Variants in CHRM5 observed in about 807,000 individuals in gnomAD.
CHRM5 encodes muscarinic acetylcholine receptor M5.
CHRM5 carries 18 observed loss-of-function variants against 39.0 expected under a neutral mutation model. The observed-to-expected ratio is 0.46, with a 90% CI of 0.32 to 0.68. CHRM5 has a LOEUF of 0.68. Among genes scored for constraint, CHRM5 ranks in the 30% least tolerant of loss-of-function variants. The pLI, the probability that CHRM5 is intolerant of heterozygous loss-of-function variation, is 0.04. For missense variants in CHRM5, 515 were observed against 651.1 expected, an observed-to-expected ratio of 0.79 and a Z score of 2.28; for synonymous variants, 241 against 246.3, an observed-to-expected ratio of 0.98 and a Z score of 0.20.
chr15:34,001,571 T>C (rs1897139753), intron 1 of CHRM5, among the ~76,000 whole-genome samples: 1 of 152,170 alleles, frequency 6.6e-6, no homozygotes, highest in Non-Finnish European at 1.5e-5. Flanking sequence ...AAACCCATAA[T>C]TGGCCAAAAT....
At chr15:33,989,181 G>A (rs74782359) in intron 1 of CHRM5, among the ~76,000 whole-genome samples, 1 of 152,034 alleles carries the variant, frequency 6.6e-6, no homozygotes, top group African/African-American at 2.4e-5. Flanking sequence ...AAGAGAAGAT[G>A]AGTTAATGAT....
chr15:34,063,311 C>T lies in CHRM5; in HGVS notation c.594C>T (p.Ala198=), dbSNP rs577474369. 1.2e-6 allele frequency: 2 copies of T among 1,614,170 alleles called. No homozygotes were observed. Among genetic ancestry groups the T allele is most frequent in the South Asian group, 1.1e-5 (1 of 91,084 alleles). The change falls in exon 3 of 3, where the codon GCC becomes GCT. Residue 198 remains alanine (A), a synonymous_variant. Coordinates refer to ENST00000383263, the MANE Select transcript of CHRM5 (RefSeq NM_012125.4). This position sits in a 1 kb window ranked among gnomAD's most constrained non-coding sequence, Gnocchi z 4.1. ...AGCCCACCATCACTTTTGGCACTGC[C>T]ATTGCTGCCTTCTACATCCCTGTTT... ...LSEPTITFGT[A]IAAFYIPVSV...
chr15:34,013,070 TTTG>T (rs940744604), intron 1 of CHRM5, among the ~76,000 whole-genome samples: 18 of 145,278 alleles, frequency 1.2e-4, no homozygotes, highest in Admixed American at 2.8e-4. Context: ...TGTTTGTTTG[TTTG>T]TTTTTTGAGA....
intron 1 of CHRM5, among the ~76,000 whole-genome samples, chr15:33,978,016 G>C (rs941920738): frequency 6.6e-6 from 1 of 151,272 alleles, no homozygotes; most frequent in Admixed American, 6.6e-5. Flanking sequence ...AAGGGAGGGA[G>C]GGAGGGAGGG....
intron 1 of CHRM5, among the ~76,000 whole-genome samples, chr15:34,004,642 A>G (rs1897265040): frequency 6.6e-6 from 1 of 152,170 alleles, no homozygotes; most frequent in Non-Finnish European, 1.5e-5. Context: ...TGAACTCTTT[A>G]TGGATGAAAA....
chr15:34,020,576 A>C (rs1898160641), intron 1 of CHRM5, among the ~76,000 whole-genome samples: 1 of 152,178 alleles, frequency 6.6e-6, no homozygotes, highest in African/African-American at 2.4e-5. Flanking sequence ...ACAATTCTGA[A>C]ATGGATTTCA....
At chr15:34,031,092 G>A (rs1322247725) in intron 1 of CHRM5, among the ~76,000 whole-genome samples, 3 of 138,590 alleles carry the variant, frequency 2.2e-5, no homozygotes, top group Non-Finnish European at 4.6e-5. Context: ...TCACAACACT[G>A]ATAATAAGCC....
chr15:33,970,846 C>A (rs182071784), intron 1 of CHRM5, among the ~76,000 whole-genome samples: 1 of 151,990 alleles, frequency 6.6e-6, no homozygotes, highest in African/African-American at 2.4e-5. Flanking sequence ...GTTTCTATAA[C>A]TCACCTTCTA....
At chr15:34,003,029 T>C in intron 1 of CHRM5, 1 of 1,609,532 alleles carries the variant, frequency 6.2e-7, no homozygotes, top group Non-Finnish European at 8.5e-7. Context: ...CTGGAATTCA[T>C]ACCTGCAGAG....
intron 1 of CHRM5, among the ~76,000 whole-genome samples, chr15:34,008,729 C>G (rs1291654716): frequency 2.0e-5 from 3 of 152,108 alleles, no homozygotes; most frequent in South Asian, 2.1e-4. Context: ...ACCTCGTGAT[C>G]TGCCCGCTTC....
chr15:33,994,928 T>C (rs1039338806), intron 1 of CHRM5, among the ~76,000 whole-genome samples: 6 of 152,136 alleles, frequency 3.9e-5, no homozygotes, highest in African/African-American at 1.4e-4. Flanking sequence ...ATTGGTAGAT[T>C]TAACCAACCA....
At chr15:34,019,221 T>C (rs748558501) in intron 1 of CHRM5, among the ~76,000 whole-genome samples, 2 of 152,236 alleles carry the variant, frequency 1.3e-5, no homozygotes, top group Non-Finnish European at 2.9e-5. Context: ...AGGCCTAGGC[T>C]AATGGATGTA....
intron 1 of CHRM5, among the ~76,000 whole-genome samples, chr15:34,006,011 T>G (rs1897321013): frequency 1.3e-5 from 2 of 152,120 alleles, no homozygotes; most frequent in African/African-American, 2.4e-5. Context: ...ACCAGGAACA[T>G]TCTACAGAAA....
chr15:34,011,700 G>A (rs1481981681), intron 1 of CHRM5, among the ~76,000 whole-genome samples: 5 of 152,000 alleles, frequency 3.3e-5, no homozygotes, highest in Admixed American at 1.3e-4. Context: ...TCATCTCACA[G>A]GCCTCTCATT....
At position 33,976,706 on chromosome 15, in the gene CHRM5, C is replaced by CA. The variant is rs969698986; in HGVS notation, c.-408+7566dup. Among the ~76,000 whole-genome samples the CA allele has an allele frequency of 2.6e-3, 383 of 149,204 alleles. 4 individuals are homozygous for CA. Among genetic ancestry groups the CA allele is most frequent in the East Asian group, 2.7e-3 (14 of 5,118 alleles). On this transcript the variant is annotated intron_variant, in intron 1 of 2. Transcript: ENST00000383263. ...ATAAATGTAAACAGCAAGACAGAAA[C>CA]AAAAAAAAAATTTAACATAAATGTA...
intron 1 of CHRM5, among the ~76,000 whole-genome samples, chr15:33,982,420 G>T (rs1468681988): frequency 6.6e-6 from 1 of 151,700 alleles, no homozygotes; most frequent in Admixed American, 6.6e-5. Context: ...AATTAAAAAA[G>T]GAAAAAAATA....
rs933270488 is a variant in CHRM5, at chr15:34,060,272, T to G, written c.-75-2371T>G. Among the ~76,000 whole-genome samples the G allele has an allele frequency of 3.3e-5, 5 of 151,708 alleles. No individual in the cohort carries two copies. In the East Asian group the frequency reaches 5.8e-4, roughly 18 times the overall value. On this transcript the variant is annotated intron_variant, in intron 2 of 2. Transcript: ENST00000383263. ...AATGGAGAGGGACCAAAAAGAGGAGTCTTCGTGGGTCAGTTAGACTGCATG... is the reference window on the plus strand; with the variant it reads ...AATGGAGAGGGACCAAAAAGAGGAGGCTTCGTGGGTCAGTTAGACTGCATG...
At chr15:34,050,404 A>G (rs1017826762) in intron 2 of CHRM5, among the ~76,000 whole-genome samples, 12 of 152,212 alleles carry the variant, frequency 7.9e-5, no homozygotes, top group African/African-American at 2.9e-4. Flanking sequence ...AACACACTGA[A>G]GTACACAGAC....
chr15:34,051,465 A>G (rs1271078813), intron 2 of CHRM5, among the ~76,000 whole-genome samples: 1 of 152,258 alleles, frequency 6.6e-6, no homozygotes, highest in Non-Finnish European at 1.5e-5. Flanking sequence ...TTCCAAAGCT[A>G]GAAGATGACA....
Sources: gnomAD v4.1 joint callset for allele counts (sites outside exome capture counted in the v4.1 genomes callset) on GRCh38, gnomAD v4.1.1 for gene constraint, Gnocchi (gnomAD v3.1) non-coding constraint, MANE v1.5 for transcripts, NCBI Gene and HGNC (gene_info 2026-07-23, HGNC 2026-07-21) for gene names.